The following FAM107B variants were observed in gnomAD, a reference collection of about 807,000 sequenced individuals.
FAM107B encodes the protein family with sequence similarity 107 member B.
FAM107B carries 21 observed loss-of-function variants against 31.5 expected under a neutral mutation model. The observed-to-expected ratio is 0.67, with a 90% CI of 0.47 to 0.96. The LOEUF is 0.96. Ranked by LOEUF, FAM107B falls within the 40% of genes least tolerant of loss-of-function variation. The pLI is 0.00. For missense variants in FAM107B, 452 were observed against 377.1 expected, an observed-to-expected ratio of 1.20 and a Z score of -1.64; for synonymous variants, 157 against 141.5, an observed-to-expected ratio of 1.11 and a Z score of -0.78.
intron 2 of FAM107B, among the ~76,000 whole-genome samples, chr10:14,581,409 C>A (rs1851632024): frequency 6.6e-6 from 1 of 152,206 alleles, no homozygotes; most frequent in Non-Finnish European, 1.5e-5. Context: ...GCCTCAGATG[C>A]ATTCCACAAC....
intron 1 of FAM107B, among the ~76,000 whole-genome samples, chr10:14,753,267 A>G (rs1832865668): frequency 6.6e-6 from 1 of 152,156 alleles, no homozygotes; most frequent in African/African-American, 2.4e-5. Flanking sequence ...ACACACATAA[A>G]AAGTTTTTAT....
intron 1 of FAM107B, among the ~76,000 whole-genome samples, chr10:14,768,815 T>C (rs897367855): frequency 6.6e-6 from 1 of 152,218 alleles, no homozygotes; most frequent in Non-Finnish European, 1.5e-5. Context: ...AGCGCAACCC[T>C]ACCCATTAGT....
At chr10:14,729,640 A>C (rs902184033) in intron 1 of FAM107B, among the ~76,000 whole-genome samples, 22 of 152,192 alleles carry the variant, frequency 1.4e-4, no homozygotes, top group African/African-American at 5.3e-4. Flanking sequence ...AGGAGCTTAA[A>C]AATCTCTGAG....
chr10:14,618,875 G>T (rs1455942970), intron 2 of FAM107B, among the ~76,000 whole-genome samples: 1 of 152,104 alleles, frequency 6.6e-6, no homozygotes, highest in Non-Finnish European at 1.5e-5. Context: ...TTAAGATGAG[G>T]TCATATTGGA....
chr10:14,606,363 C>T (rs951156455), intron 2 of FAM107B, among the ~76,000 whole-genome samples: 1 of 152,112 alleles, frequency 6.6e-6, no homozygotes, highest in African/African-American at 2.4e-5. Context: ...CTCCCATACC[C>T]GACATGGTAT....
At chr10:14,599,260 C>T (rs538154835) in intron 2 of FAM107B, among the ~76,000 whole-genome samples, 13 of 152,272 alleles carry the variant, frequency 8.5e-5, no homozygotes, top group African/African-American at 2.2e-4. Context: ...CTAAGTCTCC[C>T]GACTGCTAAG....
At chr10:14,718,215 T>A (rs1445271433) in intron 1 of FAM107B, among the ~76,000 whole-genome samples, 1 of 152,080 alleles carries the variant, frequency 6.6e-6, no homozygotes, top group Non-Finnish European at 1.5e-5. Context: ...TAGTCCCAGC[T>A]ACTCAGGAGG....
intron 2 of FAM107B, among the ~76,000 whole-genome samples, chr10:14,548,032 G>T (rs1319939814): frequency 9.2e-5 from 14 of 152,168 alleles, no homozygotes. Flanking sequence ...GGCTTTCTGT[G>T]AACAACCAAT....
At chr10:14,579,801 C>G (rs934016322) in intron 2 of FAM107B, among the ~76,000 whole-genome samples, 2 of 151,778 alleles carry the variant, frequency 1.3e-5, no homozygotes, top group African/African-American at 4.8e-5. Context: ...GAGGACAGAT[C>G]ACTTGAGGTC....
At chr10:14,526,206 C>G (rs2130801179) in intron 3 of FAM107B, among the ~76,000 whole-genome samples, 1 of 152,328 alleles carries the variant, frequency 6.6e-6, no homozygotes, top group Non-Finnish European at 1.5e-5. Flanking sequence ...CAGAGTCTCG[C>G]TCTATTGCCC....
chr10:14,658,533 C>T (rs549434525), intron 2 of FAM107B, among the ~76,000 whole-genome samples: 2 of 152,334 alleles, frequency 1.3e-5, no homozygotes, highest in African/African-American at 2.4e-5. Context: ...CTCAATCATT[C>T]ATTCATGCAT....
At chr10:14,627,515 T>C (rs1853196082) in intron 2 of FAM107B, among the ~76,000 whole-genome samples, 1 of 152,228 alleles carries the variant, frequency 6.6e-6, no homozygotes, top group Non-Finnish European at 1.5e-5. Flanking sequence ...GGCTCACGCC[T>C]GTCATCCCAA....
intron 2 of FAM107B, among the ~76,000 whole-genome samples, chr10:14,652,091 G>A (rs182694073): frequency 3.3e-5 from 5 of 152,118 alleles, no homozygotes; most frequent in Non-Finnish European, 7.4e-5. Context: ...TTCTACCAGA[G>A]TTAAACATAA....
intron 2 of FAM107B, among the ~76,000 whole-genome samples, chr10:14,583,555 A>C (rs569005227): frequency 2.0e-5 from 3 of 152,198 alleles, no homozygotes; most frequent in African/African-American, 4.8e-5. Flanking sequence ...GTGGCTCTCC[A>C]TTTTTAATTT....
At chr10:14,699,110 G>A (rs1377831138) in intron 1 of FAM107B, among the ~76,000 whole-genome samples, 1 of 152,152 alleles carries the variant, frequency 6.6e-6, no homozygotes, top group Non-Finnish European at 1.5e-5. Context: ...GGCAAGGAAA[G>A]TCTGGTACTT....
intron 1 of FAM107B, among the ~76,000 whole-genome samples, chr10:14,680,565 C>T (rs2131493858): frequency 9.5e-6 from 1 of 104,864 alleles, no homozygotes; most frequent in Non-Finnish European, 2.0e-5. Flanking sequence ...CAGAGCGAGA[C>T]TCTGTCTCAA....
intron 1 of FAM107B, among the ~76,000 whole-genome samples, chr10:14,721,982 T>A (rs1360726031): frequency 6.6e-6 from 1 of 152,240 alleles, no homozygotes; most frequent in Non-Finnish European, 1.5e-5. Context: ...GTTTTAGGTC[T>A]GACATTTAAG....
At position 14,660,169 on chromosome 10, in the gene FAM107B, G is replaced by A. The variant is rs12252529; in HGVS notation, c.469+7465C>T. Among the ~76,000 whole-genome samples, 835 of 152,288 alleles carry A rather than the reference G, an allele frequency of 5.5e-3. 4 individuals carry two copies. The highest frequency in any genetic ancestry group is 0.019 in the African/African-American group (791 of 41,560). On this transcript the variant is annotated intron_variant, in intron 2 of 4. Coordinates refer to ENST00000181796, the MANE Select transcript of FAM107B (RefSeq NM_031453.4). Reference sequence around the variant, plus strand: ...TTCTCCCCTCGTATGACCAAGTGGTGTAATCTTTGAGGTCCTGGCAGCACA... The same window carrying A: ...TTCTCCCCTCGTATGACCAAGTGGTATAATCTTTGAGGTCCTGGCAGCACA...
chr10:14,742,540 G>A (rs992872789), intron 1 of FAM107B, among the ~76,000 whole-genome samples: 3 of 152,146 alleles, frequency 2.0e-5, no homozygotes, highest in African/African-American at 7.2e-5. Context: ...GCAGTGTCTG[G>A]GGTAGGGTAG....
Sources: gnomAD v4.1 joint callset for allele counts (sites outside exome capture counted in the v4.1 genomes callset) on GRCh38, gnomAD v4.1.1 for gene constraint, MANE v1.5 for transcripts, NCBI Gene and HGNC (gene_info 2026-07-23, HGNC 2026-07-21) for gene names.